SPHKAP: variants seen among roughly 807,000 people sequenced by gnomAD.
SPHKAP encodes the protein SPHK1 interactor, AKAP domain containing, also known as A-kinase anchor protein SPHKAP.
SPHKAP carries 67 observed loss-of-function variants against 137.5 expected under a neutral mutation model. The ratio of observed to expected loss-of-function variants is 0.49; its 90% CI spans 0.40 to 0.60. SPHKAP has a LOEUF of 0.60. SPHKAP is among the 20% of genes least tolerant of loss of function. SPHKAP has a pLI of 0.00. For missense variants in SPHKAP, 2,097 were observed against 2,069.3 expected, an observed-to-expected ratio of 1.01 and a Z score of -0.26; for synonymous variants, 813 against 785.3, an observed-to-expected ratio of 1.04 and a Z score of -0.59.
At chr2:228,143,924 G>A (rs754073307) in intron 1 of SPHKAP, among the ~76,000 whole-genome samples, 3 of 152,132 alleles carry the variant, frequency 2.0e-5, no homozygotes, top group Non-Finnish European at 4.4e-5. Flanking sequence ...TGTTACCTCT[G>A]TGACCTTGTC....
chr2:228,097,051 T>C (rs1192786196), intron 3 of SPHKAP, among the ~76,000 whole-genome samples: 1 of 152,320 alleles, frequency 6.6e-6, no homozygotes, highest in Non-Finnish European at 1.5e-5. Flanking sequence ...AAGACAGACA[T>C]GTTAATCCAA....
intron 3 of SPHKAP, among the ~76,000 whole-genome samples, chr2:228,082,233 A>G (rs941944671): frequency 2.0e-5 from 3 of 152,154 alleles, no homozygotes; most frequent in South Asian, 4.1e-4. Context: ...GGCAGGTGAC[A>G]TGGCCGGGAG....
chr2:228,160,465 C>T (rs192009601), intron 1 of SPHKAP, among the ~76,000 whole-genome samples: 1 of 152,294 alleles, frequency 6.6e-6, no homozygotes, highest in Non-Finnish European at 1.5e-5. Context: ...ACATGTCCTT[C>T]TTCACATGAT....
chr2:228,102,778 T>C (rs1698218533), intron 3 of SPHKAP, among the ~76,000 whole-genome samples: 1 of 152,178 alleles, frequency 6.6e-6, no homozygotes, highest in Non-Finnish European at 1.5e-5. Flanking sequence ...GGTCTCACTC[T>C]GTCACCCCGG....
intron 11 of SPHKAP, among the ~76,000 whole-genome samples, chr2:227,986,158 C>A (rs1693202249): frequency 1.3e-5 from 2 of 152,192 alleles, no homozygotes; most frequent in African/African-American, 4.8e-5. Context: ...AGATGAAGCG[C>A]CTCAGTATCA....
chr2:228,089,377 C>A (rs1423515394), intron 3 of SPHKAP, among the ~76,000 whole-genome samples: 1 of 152,314 alleles, frequency 6.6e-6, no homozygotes, highest in East Asian at 1.9e-4. Context: ...CTGCTTCTAA[C>A]AGCCTACAGT....
Position 228,155,429 on chromosome 2 carries a change from A to G in SPHKAP, c.33-23344T>C, listed in dbSNP as rs186022146. 6.6e-5 allele frequency among the ~76,000 whole-genome samples: 10 copies of G among 152,336 alleles called. No homozygotes were observed. In the East Asian group the frequency reaches 1.9e-3, roughly 29 times the overall value. On this transcript the variant is annotated intron_variant, in intron 1 of 11. Transcript: ENST00000392056. ...AAAACAGAAAAAGTTTACTCACTAT[A>G]AAGACCATAAACCGGATATGATATA...
chr2:228,156,792 A>G (rs1700119759), intron 1 of SPHKAP, among the ~76,000 whole-genome samples: 1 of 152,162 alleles, frequency 6.6e-6, no homozygotes, highest in Non-Finnish European at 1.5e-5. Flanking sequence ...GGCTTTATAA[A>G]GGGGAGGTCC....
chr2:228,036,907 T>G (rs1178208083), intron 3 of SPHKAP, among the ~76,000 whole-genome samples: 1 of 151,872 alleles, frequency 6.6e-6, no homozygotes, highest in African/African-American at 2.4e-5. Context: ...GGGGGAGGGA[T>G]AGCATTAGGA....
At chr2:228,165,689 T>A (rs1700403438) in intron 1 of SPHKAP, among the ~76,000 whole-genome samples, 1 of 152,184 alleles carries the variant, frequency 6.6e-6, no homozygotes, top group African/African-American at 2.4e-5. Flanking sequence ...TGATTGCAAA[T>A]TATCCCCCAA....
intron 3 of SPHKAP, chr2:228,028,148 A>G (rs1409003135): frequency 1.4e-6 from 1 of 723,088 alleles, no homozygotes; most frequent in Non-Finnish European, 1.7e-6. Context: ...CAAAATCTTC[A>G]AGTTTATAAG....
intron 3 of SPHKAP, among the ~76,000 whole-genome samples, chr2:228,098,645 G>T (rs1698080517): frequency 6.6e-6 from 1 of 152,004 alleles, no homozygotes; most frequent in African/African-American, 2.4e-5. Context: ...ATAGCATTAG[G>T]AGATATACCT....
intron 3 of SPHKAP, among the ~76,000 whole-genome samples, chr2:228,044,120 A>C (rs926634368): frequency 2.0e-5 from 3 of 152,176 alleles, no homozygotes; most frequent in Admixed American, 2.0e-4. Context: ...AAATAACTCC[A>C]AACTTAACCT....
At chr2:228,086,056 T>A (rs1697527618) in intron 3 of SPHKAP, among the ~76,000 whole-genome samples, 1 of 151,974 alleles carries the variant, frequency 6.6e-6, no homozygotes, top group South Asian at 2.1e-4. Flanking sequence ...AGGCCAGGCA[T>A]GTAATATGAA....
At chr2:228,171,018 T>C (rs1391553764) in intron 1 of SPHKAP, among the ~76,000 whole-genome samples, 1 of 152,164 alleles carries the variant, frequency 6.6e-6, no homozygotes, top group Non-Finnish European at 1.5e-5. Context: ...AATTGAGCTT[T>C]GAATTTGTTT....
chr2:228,064,561 C>G (rs540063507), intron 3 of SPHKAP, among the ~76,000 whole-genome samples: 4 of 152,162 alleles, frequency 2.6e-5, no homozygotes, highest in Non-Finnish European at 5.9e-5. Context: ...GGCAGTCTAG[C>G]TTTATTCCTG....
chr2:228,098,376 T>A (rs1182938466), intron 3 of SPHKAP, among the ~76,000 whole-genome samples: 1 of 152,098 alleles, frequency 6.6e-6, no homozygotes, highest in African/African-American at 2.4e-5. Context: ...TGTCCAACAA[T>A]GATAGACTGA....
At chr2:228,071,234 T>G (rs1449524998) in intron 3 of SPHKAP, among the ~76,000 whole-genome samples, 4 of 152,200 alleles carry the variant, frequency 2.6e-5, no homozygotes, top group Non-Finnish European at 5.9e-5. Flanking sequence ...TAAATCTTGG[T>G]GCTTGCTTCT....
chr2:228,010,800 G>T (rs1694339199), intron 7 of SPHKAP, among the ~76,000 whole-genome samples: 1 of 151,824 alleles, frequency 6.6e-6, no homozygotes, highest in African/African-American at 2.4e-5. Flanking sequence ...CTCCTATTTT[G>T]TATGTCTCAT....
Sources: gnomAD v4.1 joint callset for allele counts (sites outside exome capture counted in the v4.1 genomes callset) on GRCh38, gnomAD v4.1.1 for gene constraint, MANE v1.5 for transcripts, NCBI Gene and HGNC (gene_info 2026-07-23, HGNC 2026-07-21) for gene names.